Variants in OTOP1 observed in about 807,000 individuals in gnomAD.
OTOP1 encodes the protein proton channel OTOP1.
OTOP1 carries 59 observed loss-of-function variants against 52.9 expected under a neutral mutation model. The observed-to-expected ratio is 1.12, with a 90% CI of 0.91 to 1.39. OTOP1 has a LOEUF of 1.39. Among genes scored for constraint, OTOP1 ranks in the 40% most tolerant of loss-of-function variants. The pLI, the probability that OTOP1 is intolerant of heterozygous loss-of-function variation, is 0.00. For synonymous variants in OTOP1, 317 were observed against 337.7 expected (o/e 0.94, Z 0.67); for missense variants, 761 against 800.9 (o/e 0.95, Z 0.60).
At chr4:4,193,647 C>A (rs1004916832) in intron 5 of OTOP1, among the ~76,000 whole-genome samples, 1 of 152,184 alleles carries the variant, frequency 6.6e-6, no homozygotes, top group Non-Finnish European at 1.5e-5. Context: ...CCCCCAGAAC[C>A]CAACCAGTGC....
intron 3 of OTOP1, among the ~76,000 whole-genome samples, chr4:4,203,136 T>C (rs1298997852): frequency 6.6e-6 from 1 of 152,272 alleles, no homozygotes; most frequent in African/African-American, 2.4e-5. Context: ...ATATGAGCTT[T>C]AGTCTAATGG....
chr4:4,193,210 G>C (rs951055368), intron 5 of OTOP1, among the ~76,000 whole-genome samples: 3 of 152,020 alleles, frequency 2.0e-5, no homozygotes, highest in African/African-American at 7.2e-5. Flanking sequence ...TATCCAGTGA[G>C]CCCTGCCTTG....
chr4:4,191,834 C>T lies in OTOP1; in HGVS notation c.1669-2861G>A, dbSNP rs542342829. 4.6e-5 allele frequency among the ~76,000 whole-genome samples: 7 copies of T among 152,320 alleles called. No individual in the cohort carries two copies. The East Asian group carries it at 9.6e-4, about 21-fold the overall frequency. On this transcript the variant is annotated intron_variant, in intron 5 of 5. Coordinates refer to ENST00000296358, the MANE Select transcript of OTOP1 (RefSeq NM_177998.3). ...GGAAGACCAGAGATCTTGGTCATTG[C>T]TGTACCCTCAACATGCATAGCAGTC...
chr4:4,208,738 C>T (rs551179041), intron 2 of OTOP1, among the ~76,000 whole-genome samples: 29 of 150,382 alleles, frequency 1.9e-4, no homozygotes, highest in African/African-American at 7.1e-4. Flanking sequence ...GAAACGTACG[C>T]TTAAAATAAC....
At chr4:4,209,630 A>G (rs1246480824) in intron 2 of OTOP1, among the ~76,000 whole-genome samples, 1 of 152,134 alleles carries the variant, frequency 6.6e-6, no homozygotes, top group East Asian at 1.9e-4. Flanking sequence ...CCCTCTGCCA[A>G]GTGCTTTTCA....
In OTOP1 at chr4:4,202,528, C is replaced by G; in HGVS notation, c.650G>C (p.Gly217Ala). 1 of 1,614,080 alleles carries G rather than the reference C, an allele frequency of 6.2e-7. No homozygotes were observed. The highest frequency in any genetic ancestry group is 8.5e-7 in the Non-Finnish European group (1 of 1,179,988). Residue 217 changes from glycine to alanine, a missense_variant, in exon 4 of 6, where the codon GGC (glycine) becomes GCC (alanine). This residue lies in a region of OTOP1 where 632 missense variants were observed against 619.5 expected (regional missense o/e 1.02). Transcript: ENST00000296358. ...VFTNLLLWAN[G>A]VLNESKHQLN... is the part of the protein sequence containing the mutation. ...TTGGTGCTTTGACTCATTGAGGACG[C>G]CATTGGCCCACAGAAGCAGGTTGGT...
At chr4:4,199,233 T>TGTGTGTGAGAGAGA (rs1212354837) in intron 4 of OTOP1, among the ~76,000 whole-genome samples, 1 of 98,498 alleles carries the variant, frequency 1.0e-5, no homozygotes, top group African/African-American at 4.4e-5. Context: ...TGTGTGTGTG[T>TGTGTGTGAGAGAGA]GAGAGAGAGA....
intron 2 of OTOP1, among the ~76,000 whole-genome samples, chr4:4,210,151 C>G (rs1277990627): frequency 6.6e-6 from 1 of 152,206 alleles, no homozygotes; most frequent in Non-Finnish European, 1.5e-5. Flanking sequence ...TTGTATTCCC[C>G]ATGCTGAGAA....
intron 1 of OTOP1, among the ~76,000 whole-genome samples, chr4:4,223,868 C>A (rs1419931265): frequency 6.7e-6 from 1 of 149,434 alleles, no homozygotes; most frequent in Non-Finnish European, 1.5e-5. Context: ...CCAGCCTTGG[C>A]AACAGAGTGA....
chr4:4,192,061 T>C (rs1716520854), intron 5 of OTOP1, among the ~76,000 whole-genome samples: 1 of 152,196 alleles, frequency 6.6e-6, no homozygotes, highest in Non-Finnish European at 1.5e-5. Context: ...ATGAACTCTT[T>C]CCTTGAATCT....
intron 2 of OTOP1, among the ~76,000 whole-genome samples, chr4:4,208,626 G>A (rs1186943830): frequency 6.6e-6 from 1 of 152,190 alleles, no homozygotes; most frequent in Admixed American, 6.5e-5. Context: ...GCCGGAGGAG[G>A]AGGAAATAGA....
rs1268298421 is a variant in OTOP1, at chr4:4,192,893, G to T, written c.1669-3920C>A. On this transcript the variant is annotated intron_variant, in intron 5 of 5. Coordinates refer to ENST00000296358, the MANE Select transcript of OTOP1 (RefSeq NM_177998.3). ...GTTGTCAGGGGCTGGGGAGAATGGG[G>T]AGTTCATATTTAATGAGGGCAGGGT... Among the ~76,000 whole-genome samples, 24 of 152,136 alleles carry T rather than the reference G, an allele frequency of 1.6e-4. 1 individual carries two copies. Among genetic ancestry groups the T allele is most frequent in the Admixed American group, 1.6e-3 (24 of 15,276 alleles).
In OTOP1 at chr4:4,197,097, T is replaced by C. The variant is rs528796339; in HGVS notation, c.1668+69A>G. On this transcript the variant is annotated intron_variant, in intron 5 of 5. Transcript: ENST00000296358. The stretch of plus-strand genomic sequence containing the variant: ...TACCCATTTAACAAATCTGCATGTG[T>C]ACCCCTTGAACCGAAAATGAAAGTT... 3 of 1,455,386 alleles carry C rather than the reference T, an allele frequency of 2.1e-6. No homozygotes were observed. The African/African-American group carries it at 4.2e-5, about 21-fold the overall frequency. 90.2% of individuals were successfully genotyped at this position (1,455,386 alleles called of 1,614,324 possible). A position where few individuals can be genotyped will look rare whatever the true frequency, so the allele number is the denominator to read the frequency against.
chr4:4,224,678 C>A (rs1242434058), intron 1 of OTOP1, among the ~76,000 whole-genome samples: 1 of 152,206 alleles, frequency 6.6e-6, no homozygotes, highest in Non-Finnish European at 1.5e-5. Context: ...ATTTGGGCCA[C>A]GCTGCAATGG....
chr4:4,196,984 T>A (rs2108796717), intron 5 of OTOP1, among the ~76,000 whole-genome samples, 182 bp downstream of exon 5: 1 of 151,984 alleles, frequency 6.6e-6, no homozygotes, highest in South Asian at 2.1e-4. Context: ...GGAAGCGGGG[T>A]GCAGGGTGAA....
At position 4,197,820 on chromosome 4, in the gene OTOP1, G is replaced by A. The variant is rs141168652; in HGVS notation, c.1014C>T (p.Arg338=). 9.8e-4 allele frequency: 1,586 copies of A among 1,614,058 alleles called. 11 individuals are homozygous for A. The African/African-American group carries it at 0.018, about 19-fold the overall frequency. ...GTGCCGACTCGCTCTTGGTCTTGGA[G>A]CGCCCAATATGAATCAGGTATACCA... is the stretch of plus-strand genomic sequence containing the variant. The part of the protein sequence containing the change: ...VVVVYLIHIG[R]SKTKSESALI... The change falls in exon 5 of 6, where the codon CGC becomes CGT. Residue 338 remains arginine (R), a synonymous_variant. Transcript: ENST00000296358.
rs10526016 is a variant in OTOP1, at chr4:4,204,712, C to CTGTGTG, written c.599+1354_599+1359dup. Among the ~76,000 whole-genome samples the CTGTGTG allele has an allele frequency of 2.7e-4, 41 of 150,002 alleles. 1 individual carries two copies. Among genetic ancestry groups the CTGTGTG allele is most frequent in the Middle Eastern group, 3.5e-3 (1 of 288 alleles). On this transcript the variant is annotated intron_variant, in intron 3 of 5. Coordinates refer to ENST00000296358, the MANE Select transcript of OTOP1 (RefSeq NM_177998.3). ...TAATCTCAGTGTATGTTTCCTTCAT[C>CTGTGTG]TGTGTGTGTGTGTGTGTGTGTGTGT...
rs773245519 is a variant in OTOP1 at position 4,197,940 on chromosome 4, G to T, written c.894C>A (p.Ser298Arg). The T allele has an allele frequency of 6.2e-7, 1 of 1,614,070 alleles. No individual in the cohort carries two copies. The highest frequency in any genetic ancestry group is 1.7e-5 in the Admixed American group (1 of 60,014). The change falls in exon 5 of 6, where the codon AGC (serine) becomes AGA (arginine). Residue 298 changes from serine (S) to arginine (R), a missense_variant. Physicochemically the swap from Ser to Arg is moderately radical, Grantham distance 110. Coordinates refer to ENST00000296358, the MANE Select transcript of OTOP1 (RefSeq NM_177998.3). ...LWKNIGRKVD[S>R]HQHQKMQFKS... ...TGAACTGCATCTTCTGGTGCTGATG[G>T]CTGTCAACTTTGCGCCCGATGTTCT...
In OTOP1 at chr4:4,212,889, A is replaced by G; in HGVS notation, c.519T>C (p.His173=). The G allele has an allele frequency of 6.2e-7, 1 of 1,614,140 alleles. No homozygotes were observed. Among genetic ancestry groups the G allele is most frequent in the Non-Finnish European group, 8.5e-7 (1 of 1,179,960 alleles). ...SATEGVFPVT[H]SVHTLLQVYF... The stretch of plus-strand genomic sequence containing the variant: ...TTACCTGCAACAAAGTATGCACTGA[A>G]TGGGTGACTGGGAAAACTCCTTCAG... The change falls in exon 2 of 6, where the codon CAT becomes CAC. Residue 173 remains histidine, a synonymous_variant. Transcript: ENST00000296358.
Sources: allele counts gnomAD v4.1 joint callset (sites outside exome capture counted in the v4.1 genomes callset), GRCh38; gene constraint gnomAD v4.1.1; regional missense constraint gnomAD v4.1.1; transcripts MANE v1.5; gene names NCBI Gene and HGNC (gene_info 2026-07-23, HGNC 2026-07-21).